TNMD: variants seen among roughly 807,000 people sequenced by gnomAD.
The protein encoded by TNMD is BRICHOS domain containing 4.
Under a neutral mutation model 26.9 loss-of-function variants are expected in TNMD, and 15 were observed. The observed-to-expected ratio is 0.56, with a 90% CI of 0.37 to 0.86. The LOEUF (loss-of-function observed/expected upper bound fraction) is 0.86. Among genes scored for constraint, TNMD ranks in the 40% least tolerant of loss-of-function variants. The pLI is 0.00. For missense variants in TNMD, 222 were observed against 242.6 expected (o/e 0.92, Z 0.56); for synonymous variants, 73 against 77.0 (o/e 0.95, Z 0.27).
intron 2 of TNMD, among the ~76,000 whole-genome samples, chrX:100,586,250 G>A (rs2082921667): frequency 8.9e-6 from 1 of 112,514 alleles, no homozygotes; most frequent in South Asian, 3.7e-4. Flanking sequence ...ATGTTTTTCT[G>A]TTGGTGTGTG....
At chrX:100,594,775 C>T (rs1189333952) in intron 4 of TNMD, among the ~76,000 whole-genome samples, 5 of 112,087 alleles carry the variant, frequency 4.5e-5, no homozygotes, top group Admixed American at 9.4e-5. Context: ...CCAAAGCCAC[C>T]TGGGGTTCTT....
At chrX:100,592,179 G>A (rs2082939833) in intron 2 of TNMD, among the ~76,000 whole-genome samples, 1 of 111,804 alleles carries the variant, frequency 8.9e-6, no homozygotes, top group African/African-American at 3.3e-5. Context: ...TTCCCCCGTT[G>A]GGAGAGCTGA....
rs146122497 is a variant in TNMD, at chrX:100,599,196, A to G, written c.744+14A>G. The G allele has an allele frequency of 6.0e-5, 69 of 1,154,983 alleles. No homozygotes were observed. Among genetic ancestry groups the G allele is most frequent in the Non-Finnish European group, 8.0e-5 (69 of 865,773 alleles). On this transcript the variant is annotated intron_variant, in intron 6 of 6. Transcript: ENST00000373031. ...ATAAATGACTATGTGAGTTATGTTT[A>G]TGTAAACTCTTGATAGAGGAGGAAA...
intron 2 of TNMD, among the ~76,000 whole-genome samples, chrX:100,586,434 A>C (rs2082922240): frequency 9.0e-6 from 1 of 111,563 alleles, no homozygotes; most frequent in Admixed American, 9.5e-5. Context: ...GAGCAGAGAG[A>C]AAAAAATATG....
intron 2 of TNMD, among the ~76,000 whole-genome samples, chrX:100,592,163 AC>A (rs1306713138): frequency 2.5e-4 from 28 of 111,843 alleles, no homozygotes; most frequent in Middle Eastern, 9.1e-3. Context: ...AGTATTTCTA[AC>A]AAAATTCCCC....
At chrX:100,592,178 T>C (rs772125688) in intron 2 of TNMD, among the ~76,000 whole-genome samples, 39 of 111,877 alleles carry the variant, frequency 3.5e-4, no homozygotes, top group Non-Finnish European at 3.4e-4. Context: ...ATTCCCCCGT[T>C]GGGAGAGCTG....
chrX:100,599,062 T>C lies in TNMD; in HGVS notation c.624T>C (p.Phe208=). The C allele has an allele frequency of 8.3e-7, 1 of 1,207,466 alleles. No individual in the cohort carries two copies. The highest frequency in any genetic ancestry group is 1.1e-6 in the Non-Finnish European group (1 of 893,235). Residue 208 remains phenylalanine (F), a synonymous_variant, in exon 6 of 7, where the codon TTT becomes TTC. Transcript: ENST00000373031. ...AGGAGGAGGGAGAAGATCTTCACTT[T>C]CCTGCCAACGAAAAAAAAGGGATTG... ...DFEEEGEDLH[F]PANEKKGIEQ... is the part of the protein sequence containing the mutation.
At chrX:100,591,073 G>A (rs1156337334) in intron 2 of TNMD, among the ~76,000 whole-genome samples, 2 of 111,451 alleles carry the variant, frequency 1.8e-5, no homozygotes, top group Non-Finnish European at 3.8e-5. Flanking sequence ...GAGACAAAGG[G>A]ACAGAAATGG....
intron 6 of TNMD, 124 bp downstream of exon 6, chrX:100,599,306 G>A (rs1259501646): frequency 6.1e-6 from 4 of 650,613 alleles, no homozygotes; most frequent in Admixed American, 8.3e-5. Context: ...AAAAAAAAAT[G>A]TTTAAGAAAC....
chrX:100,595,135 G>A (rs1174358714), intron 4 of TNMD, among the ~76,000 whole-genome samples: 1 of 111,861 alleles, frequency 8.9e-6, no homozygotes, highest in Admixed American at 9.5e-5. Flanking sequence ...GGGAGGAGAA[G>A]GGGGACCTCA....
chrX:100,589,768 A>G (rs2082932253), intron 2 of TNMD, among the ~76,000 whole-genome samples: 1 of 111,188 alleles, frequency 9.0e-6, no homozygotes, highest in African/African-American at 3.3e-5. Context: ...ATCTAACATT[A>G]CAGATGAAAA....
chrX:100,594,024 G>A lies in TNMD; in HGVS notation c.310G>A (p.Asp104Asn), dbSNP rs1198378462. 4 of 1,209,521 alleles carry A rather than the reference G, an allele frequency of 3.3e-6. No homozygotes were observed. The highest frequency in any genetic ancestry group is 4.5e-6 in the Non-Finnish European group (4 of 894,366). The change falls in exon 3 of 7, where the codon GAC (aspartate) becomes AAC (asparagine). Residue 104 changes from aspartate (D) to asparagine (N), a missense_variant. Asp to Asn is a conservative substitution (Grantham distance 23). Coordinates refer to ENST00000373031, the MANE Select transcript of TNMD (RefSeq NM_022144.3). ...CACTGATGAAACATTGGAAGTGCAC[G>A]ACTTTAAAAACGTAAGTTGGATGTT... The part of the protein sequence containing the change: ...NGTDETLEVH[D>N]FKNGYTGIYF...
rs371675373 is a variant in TNMD, at chrX:100,599,482, C to G, written c.745-26C>G. 300 of 1,171,048 alleles carry G rather than the reference C, an allele frequency of 2.6e-4. 1 individual carries two copies. The highest frequency in any genetic ancestry group is 5.4e-5 in the Non-Finnish European group (47 of 867,463). On this transcript the variant is annotated intron_variant, in intron 6 of 6. Transcript: ENST00000373031. ...GCTAGTGAACCTTCCTCTCCCACCC[C>G]CAACACTGGCTTCTTCTTCTTTCAG... is the stretch of plus-strand genomic sequence containing the variant.
chrX:100,598,884 TG>T, intron 5 of TNMD, 131 bp from the exon 6 acceptor site: 1 of 453,017 alleles, frequency 2.2e-6, no homozygotes, highest in Non-Finnish European at 3.6e-6. Flanking sequence ...CTTGGAAAAG[TG>T]GTCCATGCCT....
At chrX:100,595,358 G>A (rs913410926) in intron 4 of TNMD, among the ~76,000 whole-genome samples, 2 of 110,352 alleles carry the variant, frequency 1.8e-5, no homozygotes, top group South Asian at 4.0e-4. Flanking sequence ...CTCATGATCC[G>A]CCCGCCTAGG....
chrX:100,593,794 C>T, intron 2 of TNMD, 101 bp from the exon 3 acceptor site: 1 of 866,059 alleles, frequency 1.2e-6, no homozygotes, highest in Non-Finnish European at 1.6e-6. Flanking sequence ...ATTCAAAATA[C>T]CAGCTCTGAA....
At chrX:100,597,731 G>A (rs1427113964) in intron 5 of TNMD, 74 bp downstream of exon 5, 8 of 1,022,276 alleles carry the variant, frequency 7.8e-6, no homozygotes, top group Non-Finnish European at 1.1e-5. Flanking sequence ...GCATTTAGAG[G>A]CTACATTTCT....
Position 100,585,464 on chromosome X carries a change from CTT to C in TNMD, c.180+105_180+106del, listed in dbSNP as rs370290314. ...TCTGAAAATGAAAATCATTAAGTCTCTTTTGTGTTTATTTTCTGGTGGTATGA... is the reference window on the plus strand; with the variant it reads ...TCTGAAAATGAAAATCATTAAGTCTCTTGTGTTTATTTTCTGGTGGTATGA... On this transcript the variant is annotated intron_variant, in intron 2 of 6. Transcript: ENST00000373031. The C allele has an allele frequency of 1.8e-5, 16 of 879,355 alleles. No individual in the cohort carries two copies. The African/African-American group carries it at 2.9e-4, about 16-fold the overall frequency. 72.5% of individuals were successfully genotyped at this position (879,355 alleles called of 1,213,427 possible).
At position 100,594,003 on chromosome X, in the gene TNMD, G is replaced by A. The variant is rs1340628341; in HGVS notation, c.289G>A (p.Asp97Asn). Residue 97 changes from aspartate (D) to asparagine (N), a missense_variant, in exon 3 of 7, where the codon GAT (aspartate) becomes AAT (asparagine). By Grantham distance (23) the Asp-to-Asn change is conservative. Coordinates refer to ENST00000373031, the MANE Select transcript of TNMD (RefSeq NM_022144.3). Reference sequence around the variant, plus strand: ...AATATTCAGAAGCGGAAATGGCACTGATGAAACATTGGAAGTGCACGACTT... The same window carrying A: ...AATATTCAGAAGCGGAAATGGCACTAATGAAACATTGGAAGTGCACGACTT... ...TEIFRSGNGT[D>N]ETLEVHDFKN... is the part of the protein sequence containing the mutation. 8.3e-7 allele frequency: 1 copy of A among 1,210,645 alleles called. No homozygotes were observed. The highest frequency in any genetic ancestry group is 1.7e-5 in the African/African-American group (1 of 57,723).
Sources: gnomAD v4.1 joint callset for allele counts (sites outside exome capture counted in the v4.1 genomes callset) on GRCh38, gnomAD v4.1.1 for gene constraint, MANE v1.5 for transcripts, NCBI Gene and HGNC (gene_info 2026-07-23, HGNC 2026-07-21) for gene names.